Variants in GFOD1 observed in about 807,000 individuals in gnomAD.
The protein encoded by GFOD1 is glucose-fructose oxidoreductase domain-containing protein 1.
GFOD1 carries 9 observed loss-of-function variants against 25.4 expected under a neutral mutation model. The observed-to-expected ratio is 0.35, with a 90% CI of 0.21 to 0.62. GFOD1 has a LOEUF of 0.62. GFOD1 is among the 20% of genes least tolerant of loss of function. The pLI is 0.72. For missense variants in GFOD1, 403 were observed against 556.9 expected, an observed-to-expected ratio of 0.72 and a Z score of 2.78; for synonymous variants, 253 against 245.6, an observed-to-expected ratio of 1.03 and a Z score of -0.28.
At chr6:13,469,578 A>G (rs1460943968) in intron 1 of GFOD1, 32 of 1,057,276 alleles carry the variant, frequency 3.0e-5, no homozygotes, top group Non-Finnish European at 3.6e-5. Context: ...AGCAAACTTA[A>G]GTTGAATTCT....
chr6:13,409,132 A>AGAAG (rs1786005428), intron 1 of GFOD1, among the ~76,000 whole-genome samples: 1 of 44,096 alleles, frequency 2.3e-5, no homozygotes, highest in Admixed American at 3.9e-4. Flanking sequence ...AAAGAAAGAA[A>AGAAG]GAAAGAAAGA....
rs1785019408 is a variant in GFOD1, at chr6:13,365,239, A to G, written c.677T>C (p.Val226Ala). ...TSDDFCTFQMVLEGGVCCTVT... is the reference protein window; with the variant it reads ...TSDDFCTFQMALEGGVCCTVT... ...GGTGCAGCACACCCCGCCCTCCAGC[A>G]CCATCTGGAAGGTGCAGAAGTCATC... The change falls in exon 2 of 2, where the codon GTG (valine) becomes GCG (alanine). Residue 226 changes from valine (V) to alanine (A), a missense_variant. Transcript: ENST00000379287. This position sits in a 1 kb window ranked among gnomAD's most constrained non-coding sequence, Gnocchi z 9.2. 1.2e-6 allele frequency: 2 copies of G among 1,614,044 alleles called. No individual in the cohort carries two copies. The highest frequency in any genetic ancestry group is 1.7e-6 in the Non-Finnish European group (2 of 1,180,030).
At position 13,487,554 on chromosome 6, in the gene GFOD1, T is replaced by G. The variant is rs529277531; in HGVS notation, c.-664A>C. The stretch of plus-strand genomic sequence containing the variant: ...CTCCTCATTCTGCTGCCATGTTCGC[T>G]CGCCTCGCGGCTCGGGCGGCCTCGG... On this transcript the variant is annotated 5_prime_UTR_variant, in exon 1 of 2. Coordinates refer to ENST00000379287, the MANE Select transcript of GFOD1 (RefSeq NM_018988.4). The surrounding 1 kb of genome is among the most constrained non-coding windows in gnomAD (Gnocchi z 4.9). 7 of 151,962 alleles carry G rather than the reference T, an allele frequency of 4.6e-5. No homozygotes were observed. In the South Asian group the frequency reaches 1.5e-3, roughly 31 times the overall value. 9.4% of individuals were successfully genotyped at this position (151,962 alleles called of 1,614,324 possible). A position where few individuals can be genotyped will look rare whatever the true frequency, so the allele number is the denominator to read the frequency against.
chr6:13,483,715 C>T (rs574590838), intron 1 of GFOD1, among the ~76,000 whole-genome samples: 1 of 152,202 alleles, frequency 6.6e-6, no homozygotes, highest in East Asian at 1.9e-4. Context: ...AACAGTCTGA[C>T]CTGGGCTGCC....
Position 13,486,584 on chromosome 6 carries a change from GAGA to G in GFOD1, c.253+51_253+53del, listed in dbSNP as rs111276733. 8.3e-5 allele frequency: 118 copies of G among 1,429,482 alleles called. 1 individual carries two copies. In the Middle Eastern group the frequency reaches 1.1e-3, roughly 14 times the overall value. 88.5% of individuals were successfully genotyped at this position (1,429,482 alleles called of 1,614,324 possible). A position where few individuals can be genotyped will look rare whatever the true frequency, so the allele number is the denominator to read the frequency against. Reference sequence around the variant, plus strand: ...GGAAAGGCAGGGGGGAAGGAACCTAGAGAAGGTTAAAGGGCGGGGGTGGGACGG... The same window carrying G: ...GGAAAGGCAGGGGGGAAGGAACCTAGAGGTTAAAGGGCGGGGGTGGGACGG... On this transcript the variant is annotated intron_variant, in intron 1 of 1. Transcript: ENST00000379287.
At chr6:13,478,243 G>A (rs561032339) in intron 1 of GFOD1, among the ~76,000 whole-genome samples, 29 of 152,114 alleles carry the variant, frequency 1.9e-4, no homozygotes, top group African/African-American at 6.8e-4. Flanking sequence ...GGGTTCAAGC[G>A]ATTCTCCTGT....
At chr6:13,398,937 T>G (rs1402540200) in intron 1 of GFOD1, among the ~76,000 whole-genome samples, 2 of 152,232 alleles carry the variant, frequency 1.3e-5, no homozygotes, top group African/African-American at 4.8e-5. Flanking sequence ...GCACAAATCA[T>G]GAGCCAGTTA....
At chr6:13,389,188 T>C (rs1462466311) in intron 1 of GFOD1, among the ~76,000 whole-genome samples, 2 of 152,198 alleles carry the variant, frequency 1.3e-5, no homozygotes, top group African/African-American at 4.8e-5. Context: ...GTTTAACCAT[T>C]GTGGAAGACA....
chr6:13,471,165 A>G (rs961846161), intron 1 of GFOD1, among the ~76,000 whole-genome samples: 1 of 152,032 alleles, frequency 6.6e-6, no homozygotes, highest in Non-Finnish European at 1.5e-5. Context: ...TGAAGTCAAA[A>G]TTCCTCCCCC....
intron 1 of GFOD1, among the ~76,000 whole-genome samples, chr6:13,425,992 G>A (rs1403155747): frequency 1.3e-5 from 2 of 152,240 alleles, no homozygotes; most frequent in East Asian, 3.8e-4. Flanking sequence ...CGGGCTGCAG[G>A]CTGGACAAGC....
intron 1 of GFOD1, among the ~76,000 whole-genome samples, chr6:13,481,188 A>G (rs2841550): frequency 0.98 from 149,406 of 152,336 alleles, 73,327 homozygotes; most frequent in Middle Eastern, 1. Flanking sequence ...GGATGACAGA[A>G]GCAGGACTGA....
chr6:13,467,869 T>C lies in GFOD1; in HGVS notation c.253+18769A>G, dbSNP rs535777009. Among the ~76,000 whole-genome samples, 9 of 152,318 alleles carry C rather than the reference T, an allele frequency of 5.9e-5. No individual in the cohort carries two copies. The East Asian group carries it at 1.5e-3, about 26-fold the overall frequency. On this transcript the variant is annotated intron_variant, in intron 1 of 1. Coordinates refer to ENST00000379287, the MANE Select transcript of GFOD1 (RefSeq NM_018988.4). ...CAACGGGAGAGTCCCTAGACCTTTA[T>C]TCAACCACTTCCACTTCCTAGAAGA...
rs1306506861 is a variant in GFOD1 at position 13,361,849 on chromosome 6, C to T, written c.*2894G>A. 1.3e-5 allele frequency: 2 copies of T among 152,078 alleles called. No homozygotes were observed. The highest frequency in any genetic ancestry group is 2.9e-5 in the Non-Finnish European group (2 of 68,018). 9.4% of individuals were successfully genotyped at this position (152,078 alleles called of 1,614,324 possible). A position where few individuals can be genotyped will look rare whatever the true frequency, so the allele number is the denominator to read the frequency against. ...AGAATATATGTTCTTTCTAATACCC[C>T]AGCTTCAAATGAGATTTTTTGTTTT... On this transcript the variant is annotated 3_prime_UTR_variant, in exon 2 of 2. Coordinates refer to ENST00000379287, the MANE Select transcript of GFOD1 (RefSeq NM_018988.4).
intron 1 of GFOD1, among the ~76,000 whole-genome samples, chr6:13,441,417 A>G (rs1757914287): frequency 6.6e-6 from 1 of 152,238 alleles, no homozygotes; most frequent in South Asian, 2.1e-4. Context: ...TACGCATCAC[A>G]TAGATAAACA....
At chr6:13,447,042 T>C (rs1269401270) in intron 1 of GFOD1, among the ~76,000 whole-genome samples, 1 of 152,226 alleles carries the variant, frequency 6.6e-6, no homozygotes, top group Non-Finnish European at 1.5e-5. Context: ...TCCGCTGATT[T>C]CACCACCATC....
intron 1 of GFOD1, among the ~76,000 whole-genome samples, chr6:13,427,111 C>T (rs1034931445): frequency 1.2e-4 from 19 of 152,202 alleles, no homozygotes; most frequent in South Asian, 2.1e-4. Context: ...ACTGAGGTAA[C>T]AGAGGATCAC....
Position 13,401,939 on chromosome 6 carries a change from A to G in GFOD1, c.254-36277T>C, listed in dbSNP as rs1287636539. On this transcript the variant is annotated intron_variant, in intron 1 of 1. Coordinates refer to ENST00000379287, the MANE Select transcript of GFOD1 (RefSeq NM_018988.4). ...TTAGCACTTCATGATTTCAAAACTT[A>G]CCTCAAAGCTACAGTAATCATGATG... Among the ~76,000 whole-genome samples, 4 of 152,346 alleles carry G rather than the reference A, an allele frequency of 2.6e-5. No homozygotes were observed. The East Asian group carries it at 5.8e-4, about 22-fold the overall frequency.
chr6:13,418,556 G>A (rs1179333007), intron 1 of GFOD1, among the ~76,000 whole-genome samples: 1 of 152,214 alleles, frequency 6.6e-6, no homozygotes, highest in Admixed American at 6.5e-5. Context: ...CCTAAAAGGT[G>A]ACACATGGGA....
At chr6:13,403,536 T>C (rs959540634) in intron 1 of GFOD1, among the ~76,000 whole-genome samples, 5 of 152,246 alleles carry the variant, frequency 3.3e-5, no homozygotes, top group African/African-American at 1.2e-4. Flanking sequence ...CTGTAGGCAA[T>C]TGTAACACAG....
Sources: allele counts gnomAD v4.1 joint callset (sites outside exome capture counted in the v4.1 genomes callset), GRCh38; gene constraint gnomAD v4.1.1; non-coding constraint Gnocchi (gnomAD v3.1); transcripts MANE v1.5; gene names NCBI Gene and HGNC (gene_info 2026-07-23, HGNC 2026-07-21).